The following EPB41L4A variants were observed in gnomAD, a reference collection of about 807,000 sequenced individuals.
EPB41L4A encodes band 4.1-like protein 4A.
A neutral mutation model predicts 108.6 loss-of-function variants in EPB41L4A; 100 were observed. The observed-to-expected ratio is 0.92, with a 90% CI of 0.78 to 1.09. EPB41L4A has a LOEUF of 1.09. EPB41L4A is among the 50% of genes least tolerant of loss of function. The probability of loss-of-function intolerance (pLI) is 0.00; values close to 1 mark genes in which losing one functional copy is unlikely to be tolerated. For synonymous variants in EPB41L4A, 319 were observed against 289.0 expected (o/e 1.10, Z -1.05); for missense variants, 1,030 against 842.7 (o/e 1.22, Z -2.75).
intron 2 of EPB41L4A, among the ~76,000 whole-genome samples, chr5:112,282,637 G>GT (rs1179315030): frequency 6.6e-6 from 1 of 152,180 alleles, no homozygotes; most frequent in African/African-American, 2.4e-5. Flanking sequence ...TTATGGATGC[G>GT]TTATTAGAGG....
At chr5:112,400,530 G>A (rs1033388757) in intron 1 of EPB41L4A, among the ~76,000 whole-genome samples, 4 of 152,048 alleles carry the variant, frequency 2.6e-5, no homozygotes, top group African/African-American at 7.2e-5. Context: ...CACACAGTGG[G>A]AACAGGAGCA....
intron 1 of EPB41L4A, among the ~76,000 whole-genome samples, chr5:112,332,973 T>C (rs1330345393): frequency 6.6e-6 from 1 of 152,178 alleles, no homozygotes; most frequent in Non-Finnish European, 1.5e-5. Flanking sequence ...CAGCATGTGG[T>C]ATGGAAAGAA....
rs4958030 is a variant in EPB41L4A at position 112,281,895 on chromosome 5, T to A, written c.205-1572A>T. ...TTATAACTATACTAAACTCTATTCATGCATATATAAGCTTCATTATTTGTC... is the reference window on the plus strand; with the variant it reads ...TTATAACTATACTAAACTCTATTCAAGCATATATAAGCTTCATTATTTGTC... On this transcript the variant is annotated intron_variant, in intron 2 of 22. Coordinates refer to ENST00000261486, the MANE Select transcript of EPB41L4A (RefSeq NM_022140.5). Among the ~76,000 whole-genome samples the A allele has an allele frequency of 2.0e-5, 3 of 152,086 alleles. No individual in the cohort carries two copies. In the South Asian group the frequency reaches 6.2e-4, roughly 31 times the overall value.
At position 112,196,111 on chromosome 5, in the gene EPB41L4A, A is replaced by G. The variant is rs866387728; in HGVS notation, c.1377-403T>C. Among the ~76,000 whole-genome samples, 3 of 152,086 alleles carry G rather than the reference A, an allele frequency of 2.0e-5. No individual in the cohort carries two copies. The South Asian group carries it at 6.2e-4, about 32-fold the overall frequency. On this transcript the variant is annotated intron_variant, in intron 15 of 22. Coordinates refer to ENST00000261486, the MANE Select transcript of EPB41L4A (RefSeq NM_022140.5). ...TAATCTCCTCCACTTCAACTCAGCA[A>G]CCTACCTCATACTTACGACTTTATC...
downstream of EPB41L4A, among the ~76,000 whole-genome samples, chr5:112,159,725 T>C (rs1184528158): frequency 6.6e-6 from 1 of 152,180 alleles, no homozygotes; most frequent in African/African-American, 2.4e-5. Flanking sequence ...TACTGAACAC[T>C]TGAAATGTGT....
At chr5:112,166,250 T>C (rs780943971) in intron 22 of EPB41L4A, among the ~76,000 whole-genome samples, 1 of 152,240 alleles carries the variant, frequency 6.6e-6, no homozygotes, top group African/African-American at 2.4e-5. Context: ...AATTAGAACT[T>C]AAAGTTGTAC....
At chr5:112,361,502 C>T (rs1466960422) in intron 1 of EPB41L4A, among the ~76,000 whole-genome samples, 2 of 146,424 alleles carry the variant, frequency 1.4e-5, no homozygotes, top group Non-Finnish European at 3.0e-5. Context: ...GAGAAACACC[C>T]AAGAATGATC....
At position 112,163,390 on chromosome 5, in the gene EPB41L4A, A is replaced by G. The variant is rs554869597; in HGVS notation, c.*1600T>C. The G allele has an allele frequency of 1.3e-5, 2 of 152,212 alleles. No individual in the cohort carries two copies. Among genetic ancestry groups the G allele is most frequent in the African/African-American group, 2.4e-5 (1 of 41,456 alleles). The allele number at this position is 152,212 out of a possible 1,614,324, so 9.4% of individuals were successfully genotyped here. A position where few individuals can be genotyped will look rare whatever the true frequency, so the allele number is the denominator to read the frequency against. ...AGCACATTACTCAGTAGTCTAAACT[A>G]CAGAAATAAACCTTAAGGCCATGGG... On this transcript the variant is annotated 3_prime_UTR_variant, in exon 23 of 23. Coordinates refer to ENST00000261486, the MANE Select transcript of EPB41L4A (RefSeq NM_022140.5).
At chr5:112,232,036 G>C (rs1262257430) in intron 12 of EPB41L4A, among the ~76,000 whole-genome samples, 1 of 150,654 alleles carries the variant, frequency 6.6e-6, no homozygotes, top group East Asian at 2.0e-4. Flanking sequence ...GATTGCTTGA[G>C]CCATAAGTTC....
downstream of EPB41L4A, chr5:112,158,489 G>A (rs1359557430): frequency 8.5e-6 from 3 of 352,144 alleles, no homozygotes; most frequent in South Asian, 7.1e-5. Flanking sequence ...ACCTATATAT[G>A]CTGGCTGCCC....
At chr5:112,323,132 T>G (rs977547520) in intron 1 of EPB41L4A, among the ~76,000 whole-genome samples, 1 of 151,944 alleles carries the variant, frequency 6.6e-6, no homozygotes, top group Non-Finnish European at 1.5e-5. Flanking sequence ...ATGTGGAAGA[T>G]GTAACCAGAA....
intron 1 of EPB41L4A, among the ~76,000 whole-genome samples, chr5:112,336,345 C>T (rs905892595): frequency 1.3e-5 from 2 of 152,222 alleles, no homozygotes; most frequent in Non-Finnish European, 2.9e-5. Context: ...TGGAGTAAGG[C>T]GCTTTCCTCT....
intron 1 of EPB41L4A, among the ~76,000 whole-genome samples, chr5:112,417,365 G>A (rs775965141): frequency 1.3e-5 from 2 of 152,154 alleles, no homozygotes; most frequent in Non-Finnish European, 2.9e-5. Context: ...TTAGACTCCA[G>A]ATAATTTAGA....
intron 2 of EPB41L4A, among the ~76,000 whole-genome samples, chr5:112,296,217 A>C (rs1753976173): frequency 6.6e-6 from 1 of 152,316 alleles, no homozygotes; most frequent in African/African-American, 2.4e-5. Context: ...ACTTATGTTA[A>C]AATTAATGAT....
At chr5:112,306,273 A>G (rs1016759280) in intron 2 of EPB41L4A, among the ~76,000 whole-genome samples, 1 of 152,216 alleles carries the variant, frequency 6.6e-6, no homozygotes, top group Non-Finnish European at 1.5e-5. Context: ...TGGTCTGTAC[A>G]AGATAGAATT....
intron 12 of EPB41L4A, chr5:112,228,667 C>T (rs758185989): frequency 1.0e-6 from 1 of 979,622 alleles, no homozygotes; most frequent in African/African-American, 1.7e-5. Context: ...TCATTGCCTA[C>T]TTACAGCAGA....
At chr5:112,386,161 G>A (rs1301341253) in intron 1 of EPB41L4A, among the ~76,000 whole-genome samples, 2 of 152,150 alleles carry the variant, frequency 1.3e-5, no homozygotes, top group African/African-American at 2.4e-5. Context: ...GAGACATAAC[G>A]AAGGCATTAT....
At chr5:112,232,109 G>C (rs985420605) in intron 12 of EPB41L4A, among the ~76,000 whole-genome samples, 1 of 133,262 alleles carries the variant, frequency 7.5e-6, no homozygotes, top group African/African-American at 2.9e-5. Context: ...GTGAAACCTT[G>C]TCTCAAAAAA....
At chr5:112,384,949 C>T (rs1038763446) in intron 1 of EPB41L4A, among the ~76,000 whole-genome samples, 2 of 152,204 alleles carry the variant, frequency 1.3e-5, no homozygotes, top group Non-Finnish European at 2.9e-5. Context: ...CTAGGGTTGC[C>T]AGTCCTGATC....
Sources: gnomAD v4.1 joint callset for allele counts (sites outside exome capture counted in the v4.1 genomes callset) on GRCh38, gnomAD v4.1.1 for gene constraint, MANE v1.5 for transcripts, NCBI Gene and HGNC (gene_info 2026-07-23, HGNC 2026-07-21) for gene names.